MACROD2: variants seen among roughly 807,000 people sequenced by gnomAD.
MACROD2 encodes mono-ADP ribosylhydrolase 2, also known as ADP-ribose glycohydrolase MACROD2.
Under a neutral mutation model 70.4 loss-of-function variants are expected in MACROD2, and 36 were observed. The ratio of observed to expected loss-of-function variants is 0.51; its 90% CI spans 0.39 to 0.68. MACROD2 has a LOEUF of 0.68. Among genes scored for constraint, MACROD2 ranks in the 30% least tolerant of loss-of-function variants. The pLI is 0.00. For synonymous variants in MACROD2, 172 were observed against 178.8 expected, an observed-to-expected ratio of 0.96 and a Z score of 0.30; for missense variants, 496 against 538.4, an observed-to-expected ratio of 0.92 and a Z score of 0.78.
chr20:14,700,418 A>G (rs2071181471), intron 5 of MACROD2, among the ~76,000 whole-genome samples: 1 of 151,872 alleles, frequency 6.6e-6, no homozygotes, highest in Admixed American at 6.6e-5. Context: ...AGCAAAAGGT[A>G]AAAAAAAGTT....
intron 5 of MACROD2, among the ~76,000 whole-genome samples, chr20:14,874,523 A>AT (rs1301323948): frequency 6.6e-6 from 1 of 151,720 alleles, no homozygotes; most frequent in Admixed American, 6.6e-5. Context: ...TTATATTAGA[A>AT]TAAGCAAGCA....
chr20:15,691,711 A>T, intron 8 of MACROD2, among the ~76,000 whole-genome samples: 1 of 152,192 alleles, frequency 6.6e-6, no homozygotes, highest in Admixed American at 6.5e-5. Context: ...AAAAGCAAAC[A>T]TGGATGTTGC....
intron 5 of MACROD2, among the ~76,000 whole-genome samples, chr20:14,912,696 G>T (rs2074042345): frequency 6.6e-6 from 1 of 152,098 alleles, no homozygotes; most frequent in Non-Finnish European, 1.5e-5. Flanking sequence ...AAGGCATGAA[G>T]GATTATGTCG....
At chr20:15,497,863 A>G (rs2047317914) in intron 7 of MACROD2, among the ~76,000 whole-genome samples, 1 of 151,972 alleles carries the variant, frequency 6.6e-6, no homozygotes, top group African/African-American at 2.4e-5. Context: ...TTACTTGTCT[A>G]TTTCCTCCCC....
At chr20:14,114,795 C>T (rs2054495297) in intron 3 of MACROD2, among the ~76,000 whole-genome samples, 1 of 152,138 alleles carries the variant, frequency 6.6e-6, no homozygotes. Context: ...TAGAAAACTA[C>T]AAACTGGCGT....
chr20:14,681,190 T>C (rs2070928005), intron 4 of MACROD2, among the ~76,000 whole-genome samples: 1 of 152,188 alleles, frequency 6.6e-6, no homozygotes, highest in Non-Finnish European at 1.5e-5. Context: ...AACATGGTAA[T>C]CACTGGGGAA....
At position 15,613,064 on chromosome 20, in the gene MACROD2, C is replaced by T. The variant is rs78412422; in HGVS notation, c.645+113217C>T. Among the ~76,000 whole-genome samples, 12 of 152,324 alleles carry T rather than the reference C, an allele frequency of 7.9e-5. No individual in the cohort carries two copies. In the East Asian group the frequency reaches 2.3e-3, roughly 29 times the overall value. On this transcript the variant is annotated intron_variant, in intron 8 of 17. Transcript: ENST00000684519. ...AGAAATATTCAGCTGCATCTCTAGA[C>T]CTCTATCAGGTTAAAATGAATATGT... is the stretch of plus-strand genomic sequence containing the variant.
At chr20:14,351,730 C>T (rs1221422299) in intron 3 of MACROD2, among the ~76,000 whole-genome samples, 2 of 152,078 alleles carry the variant, frequency 1.3e-5, no homozygotes, top group Non-Finnish European at 2.9e-5. Context: ...CCCTTTATTT[C>T]TTTCTCTTGT....
At chr20:15,212,108 G>A (rs2076769052) in intron 5 of MACROD2, among the ~76,000 whole-genome samples, 1 of 152,134 alleles carries the variant, frequency 6.6e-6, no homozygotes, top group African/African-American at 2.4e-5. Flanking sequence ...AAGAACTAAG[G>A]ATATTGAGCA....
chr20:15,045,883 A>G (rs924238272), intron 5 of MACROD2, among the ~76,000 whole-genome samples: 3 of 152,058 alleles, frequency 2.0e-5, no homozygotes, highest in African/African-American at 7.2e-5. Context: ...TGGCCATCCG[A>G]ACAGGAGAGC....
chr20:14,962,891 G>A (rs6110477), intron 5 of MACROD2, among the ~76,000 whole-genome samples: 2 of 151,930 alleles, frequency 1.3e-5, no homozygotes, highest in Non-Finnish European at 2.9e-5. Flanking sequence ...AAAACTCTAA[G>A]GAAACTCAGA....
chr20:15,288,535 G>A (rs968213021), intron 6 of MACROD2, among the ~76,000 whole-genome samples: 1 of 152,160 alleles, frequency 6.6e-6, no homozygotes, highest in African/African-American at 2.4e-5. Flanking sequence ...TATTAAGTGT[G>A]GGCAGTTACC....
chr20:15,156,080 A>G (rs2076304826), intron 5 of MACROD2, among the ~76,000 whole-genome samples: 1 of 152,186 alleles, frequency 6.6e-6, no homozygotes, highest in Non-Finnish European at 1.5e-5. Flanking sequence ...CACAGGTGCA[A>G]TAAGGTCCAA....
At chr20:15,988,659 A>G (rs1409233458) in intron 15 of MACROD2, among the ~76,000 whole-genome samples, 1 of 152,148 alleles carries the variant, frequency 6.6e-6, no homozygotes, top group South Asian at 2.1e-4. Flanking sequence ...ATGGTGGAAT[A>G]GCATGTGGGA....
chr20:15,543,220 A>G (rs1482507135), intron 8 of MACROD2, among the ~76,000 whole-genome samples: 1 of 152,164 alleles, frequency 6.6e-6, no homozygotes, highest in Admixed American at 6.5e-5. Flanking sequence ...ACCAGGTTCA[A>G]ATGTATCAGT....
intron 6 of MACROD2, among the ~76,000 whole-genome samples, chr20:15,241,433 T>G (rs1307176655): frequency 2.0e-5 from 3 of 152,204 alleles, no homozygotes; most frequent in African/African-American, 7.2e-5. Flanking sequence ...TTGCATTTTT[T>G]TCTTATTTTT....
intron 4 of MACROD2, among the ~76,000 whole-genome samples, chr20:14,619,032 T>C (rs2123446792): frequency 6.6e-6 from 1 of 152,066 alleles, no homozygotes; most frequent in African/African-American, 2.4e-5. Context: ...ATGTAATAAA[T>C]GATAAGCCCT....
At chr20:15,044,616 G>A (rs574653870) in intron 5 of MACROD2, among the ~76,000 whole-genome samples, 2 of 152,256 alleles carry the variant, frequency 1.3e-5, no homozygotes, top group South Asian at 4.2e-4. Context: ...GCAGTCTAAG[G>A]TAAAGAGGAG....
At chr20:15,711,511 C>T (rs559263969) in intron 8 of MACROD2, among the ~76,000 whole-genome samples, 4 of 152,252 alleles carry the variant, frequency 2.6e-5, no homozygotes, top group East Asian at 3.9e-4. Context: ...TGGCCTTCCC[C>T]GGGAGAAAGA....
Sources: allele counts gnomAD v4.1 joint callset (sites outside exome capture counted in the v4.1 genomes callset), GRCh38; gene constraint gnomAD v4.1.1; transcripts MANE v1.5; gene names NCBI Gene and HGNC (gene_info 2026-07-23, HGNC 2026-07-21).